The following PTPRD variants were observed in gnomAD, a reference collection of about 807,000 sequenced individuals.
PTPRD encodes receptor-type tyrosine-protein phosphatase delta.
PTPRD carries 34 observed loss-of-function variants against 214.5 expected under a neutral mutation model. That is an observed-to-expected ratio of 0.16 (90% CI 0.12 to 0.21). The LOEUF (loss-of-function observed/expected upper bound fraction) is 0.21. Ranked by LOEUF, PTPRD falls within the 10% of genes least tolerant of loss-of-function variation. PTPRD has a pLI of 1.00. For synonymous variants in PTPRD, 1,128 were observed against 845.7 expected, an observed-to-expected ratio of 1.33 and a Z score of -5.79; for missense variants, 2,545 against 2,398.7, an observed-to-expected ratio of 1.06 and a Z score of -1.27.
At chr9:8,746,046 G>A (rs937290496) in intron 11 of PTPRD, among the ~76,000 whole-genome samples, 1 of 152,030 alleles carries the variant, frequency 6.6e-6, no homozygotes, top group Non-Finnish European at 1.5e-5. Flanking sequence ...CTCCCAAACT[G>A]GCCTCCCAAG....
At chr9:9,186,871 T>G (rs1170257862) in intron 9 of PTPRD, among the ~76,000 whole-genome samples, 1 of 152,038 alleles carries the variant, frequency 6.6e-6, no homozygotes, top group Non-Finnish European at 1.5e-5. Flanking sequence ...CTAGATGATG[T>G]TTATATTCTT....
At chr9:9,525,827 G>C (rs988111964) in intron 8 of PTPRD, among the ~76,000 whole-genome samples, 2 of 123,606 alleles carry the variant, frequency 1.6e-5, no homozygotes, top group African/African-American at 6.2e-5. Context: ...TTTTTTTTTT[G>C]TACAAACAGG....
chr9:10,536,258 T>A (rs528576086), intron 2 of PTPRD, among the ~76,000 whole-genome samples: 20 of 152,246 alleles, frequency 1.3e-4, no homozygotes, highest in African/African-American at 4.8e-4. Context: ...TGTAATATCA[T>A]CTGTGCACAG....
chr9:9,929,557 C>A (rs560742821), intron 5 of PTPRD, among the ~76,000 whole-genome samples: 42 of 152,228 alleles, frequency 2.8e-4, no homozygotes, highest in Middle Eastern at 3.4e-3. Context: ...CCATGCCCAG[C>A]TAACTTTTAT....
In PTPRD at chr9:10,409,470, G is replaced by T. The variant is rs547671156; in HGVS notation, c.-599-68453C>A. 5.9e-5 allele frequency among the ~76,000 whole-genome samples: 9 copies of T among 151,640 alleles called. No homozygotes were observed. In the East Asian group the frequency reaches 1.8e-3, roughly 30 times the overall value. On this transcript the variant is annotated intron_variant, in intron 2 of 45. Transcript: ENST00000381196. ...TTGTCAAAAATACATCCATAAATAT[G>T]AACATGACTAAAGAATTGAGTTTAA... is the stretch of plus-strand genomic sequence containing the variant.
chr9:9,420,772 A>G (rs2078499237), intron 8 of PTPRD, among the ~76,000 whole-genome samples: 1 of 152,000 alleles, frequency 6.6e-6, no homozygotes, highest in Non-Finnish European at 1.5e-5. Context: ...AAAGATGCCC[A>G]TGATCGATTA....
intron 4 of PTPRD, among the ~76,000 whole-genome samples, chr9:9,967,049 G>C (rs1029453733): frequency 6.6e-6 from 1 of 152,128 alleles, no homozygotes; most frequent in Non-Finnish European, 1.5e-5. Flanking sequence ...ACCTTAGGCA[G>C]CATGTCTCCA....
chr9:8,480,495 A>G (rs1326128728), intron 30 of PTPRD, among the ~76,000 whole-genome samples: 2 of 152,326 alleles, frequency 1.3e-5, no homozygotes, highest in East Asian at 3.9e-4. Flanking sequence ...CTGTATGAGA[A>G]CAATGAGAAA....
In PTPRD at chr9:9,352,371, GTA is replaced by G. The variant is rs71308859; in HGVS notation, c.-203+45076_-203+45077del. On this transcript the variant is annotated intron_variant, in intron 9 of 45. Transcript: ENST00000381196. ...TGTGTGTGTATATATGTGTGTGTGT[GTA>G]TATATATATATGTGTGTATATGTAT... Among the ~76,000 whole-genome samples, 559 of 147,608 alleles carry G rather than the reference GTA, an allele frequency of 3.8e-3. 4 individuals are homozygous for G. Among genetic ancestry groups the G allele is most frequent in the African/African-American group, 0.013 (507 of 40,110 alleles).
intron 11 of PTPRD, among the ~76,000 whole-genome samples, chr9:8,893,031 G>C (rs969959892): frequency 6.6e-6 from 1 of 152,058 alleles, no homozygotes; most frequent in African/African-American, 2.4e-5. Context: ...GATATGAGAA[G>C]AAAAACTAAG....
intron 12 of PTPRD, among the ~76,000 whole-genome samples, chr9:8,640,469 A>T (rs2096549399): frequency 6.6e-6 from 1 of 152,066 alleles, no homozygotes; most frequent in Non-Finnish European, 1.5e-5. Context: ...TAAACTTATT[A>T]AAATAACCAG....
At chr9:9,857,802 G>A (rs879502870) in intron 5 of PTPRD, among the ~76,000 whole-genome samples, 7 of 152,150 alleles carry the variant, frequency 4.6e-5, no homozygotes, top group Non-Finnish European at 8.8e-5. Flanking sequence ...ATATGGCTGT[G>A]CTCATTCTAA....
intron 10 of PTPRD, among the ~76,000 whole-genome samples, chr9:9,066,579 G>C (rs1037904125): frequency 6.6e-6 from 1 of 152,056 alleles, no homozygotes; most frequent in African/African-American, 2.4e-5. Context: ...TTGCAGATGT[G>C]ACTAAATTAA....
chr9:10,548,161 A>C (rs1024568654), intron 2 of PTPRD, among the ~76,000 whole-genome samples: 3 of 152,158 alleles, frequency 2.0e-5, no homozygotes, highest in Non-Finnish European at 4.4e-5. Context: ...AACCATATTT[A>C]AAGTTGGGCA....
intron 5 of PTPRD, among the ~76,000 whole-genome samples, chr9:9,927,826 C>A (rs1051011357): frequency 2.0e-5 from 3 of 152,058 alleles, no homozygotes; most frequent in African/African-American, 7.2e-5. Context: ...CTAGCCCTAG[C>A]TTATTTTCAT....
chr9:9,188,084 G>A (rs1282828562), intron 9 of PTPRD, among the ~76,000 whole-genome samples: 1 of 151,918 alleles, frequency 6.6e-6, no homozygotes, highest in African/African-American at 2.4e-5. Context: ...CCTCACCAAA[G>A]GTAAACAAAC....
chr9:10,440,120 T>A (rs1048234198), intron 2 of PTPRD, among the ~76,000 whole-genome samples: 20 of 151,594 alleles, frequency 1.3e-4, no homozygotes, highest in Non-Finnish European at 2.5e-4. Flanking sequence ...CGGCTATTAC[T>A]ATTTTTACTA....
intron 9 of PTPRD, among the ~76,000 whole-genome samples, chr9:9,299,711 G>A (rs1299108042): frequency 1.3e-5 from 2 of 151,392 alleles, no homozygotes; most frequent in Non-Finnish European, 3.0e-5. Flanking sequence ...CCATTGGTGT[G>A]ATCTTATTAT....
At chr9:8,653,505 T>C (rs2096853173) in intron 12 of PTPRD, among the ~76,000 whole-genome samples, 1 of 152,304 alleles carries the variant, frequency 6.6e-6, no homozygotes, top group South Asian at 2.1e-4. Context: ...AACCCTTTAG[T>C]ATATTTCCAC....
Sources: gnomAD v4.1 joint callset for allele counts (sites outside exome capture counted in the v4.1 genomes callset) on GRCh38, gnomAD v4.1.1 for gene constraint, MANE v1.5 for transcripts, NCBI Gene and HGNC (gene_info 2026-07-23, HGNC 2026-07-21) for gene names.